LRPPRC: variants seen among roughly 807,000 people sequenced by gnomAD.
LRPPRC encodes leucine-rich PPR motif-containing protein, mitochondrial.
LRPPRC carries 120 observed loss-of-function variants against 180.3 expected under a neutral mutation model. The ratio of observed to expected loss-of-function variants is 0.67; its 90% confidence interval spans 0.57 to 0.77. The LOEUF is 0.77. Among genes scored for constraint, LRPPRC ranks in the 30% least tolerant of loss-of-function variants. The pLI, the probability that LRPPRC is intolerant of heterozygous loss-of-function variation, is 0.00. For synonymous variants in LRPPRC, 723 were observed against 600.0 expected (o/e 1.21, Z -3.00); for missense variants, 2,012 against 1,657.2 (o/e 1.21, Z -3.72).
intron 14 of LRPPRC, among the ~76,000 whole-genome samples, chr2:43,951,771 T>C (rs1328821125): frequency 1.3e-5 from 2 of 152,228 alleles, no homozygotes; most frequent in African/African-American, 2.4e-5. Context: ...ACACATACCA[T>C]GTCCAGTCTA....
At chr2:43,946,287 G>A (rs1311452630) in intron 20 of LRPPRC, 44 bp from the exon 21 acceptor site, 1 of 1,490,522 alleles carries the variant, frequency 6.7e-7, no homozygotes, top group Non-Finnish European at 9.3e-7. Flanking sequence ...TCAGTGTGAA[G>A]GTAAAAATGT....
At chr2:43,986,449 C>G (rs1343045945) in intron 1 of LRPPRC, among the ~76,000 whole-genome samples, 1 of 152,096 alleles carries the variant, frequency 6.6e-6, no homozygotes, top group Admixed American at 6.5e-5. Context: ...TCTTAAAACT[C>G]TTCTCTCCAC....
intron 1 of LRPPRC, among the ~76,000 whole-genome samples, chr2:43,992,622 T>C (rs1262800119): frequency 2.0e-5 from 3 of 152,168 alleles, no homozygotes; most frequent in African/African-American, 7.2e-5. Flanking sequence ...GGAAAAGGGA[T>C]GCATTCCAAA....
At chr2:43,986,615 C>G (rs1349280180) in intron 1 of LRPPRC, among the ~76,000 whole-genome samples, 1 of 152,138 alleles carries the variant, frequency 6.6e-6, no homozygotes, top group Non-Finnish European at 1.5e-5. Context: ...AAAATTATAA[C>G]TTACAAATGA....
chr2:43,953,663 C>G (rs1672992454), intron 14 of LRPPRC, among the ~76,000 whole-genome samples: 1 of 152,154 alleles, frequency 6.6e-6, no homozygotes, highest in African/African-American at 2.4e-5. Context: ...CGCAGAGCAC[C>G]TAGCTTGGTG....
chr2:43,925,179 T>C (rs750884958), intron 26 of LRPPRC, 22 bp from the exon 27 acceptor site: 9 of 1,118,494 alleles, frequency 8.0e-6, no homozygotes, highest in African/African-American at 3.1e-5. Context: ...GATTAAGAGA[T>C]AGATCTACCT....
intron 16 of LRPPRC, 87 bp from the exon 17 acceptor site, chr2:43,948,605 T>C (rs1312260886): frequency 1.3e-6 from 1 of 769,212 alleles, no homozygotes; most frequent in African/African-American, 1.7e-5. Context: ...ATCATTTTGG[T>C]GTGAGATGTC....
intron 11 of LRPPRC, among the ~76,000 whole-genome samples, chr2:43,970,907 T>C (rs140970694): frequency 0.029 from 4,382 of 152,270 alleles, 214 homozygotes; most frequent in African/African-American, 0.099. Flanking sequence ...GAGACCAGCC[T>C]GGCCAACATG....
intron 35 of LRPPRC, chr2:43,896,087 T>A (rs1670669248): frequency 6.5e-6 from 1 of 152,732 alleles, no homozygotes; most frequent in Non-Finnish European, 1.5e-5. Flanking sequence ...TGATAAATGC[T>A]CAAAAGTAGC....
intron 34 of LRPPRC, among the ~76,000 whole-genome samples, chr2:43,898,507 G>A (rs978747839): frequency 3.9e-5 from 6 of 152,132 alleles, no homozygotes; most frequent in East Asian, 1.9e-4. Context: ...GCTCCCCGGC[G>A]GTGCCTGTTT....
chr2:43,918,812 T>TATATATATATATAG, intron 27 of LRPPRC, among the ~76,000 whole-genome samples: 1 of 143,310 alleles, frequency 7.0e-6, no homozygotes, highest in African/African-American at 2.7e-5. Context: ...TATATATAGA[T>TATATATATATATAG]ATATATATAT....
intron 36 of LRPPRC, among the ~76,000 whole-genome samples, chr2:43,891,635 TCTC>T (rs1412340076): frequency 2.6e-5 from 4 of 152,206 alleles, no homozygotes; most frequent in African/African-American, 9.6e-5. Context: ...GACTAGTAAT[TCTC>T]CTGTCTTCCT....
At chr2:43,975,450 T>A (rs188217912) in intron 6 of LRPPRC, among the ~76,000 whole-genome samples, 27 of 152,310 alleles carry the variant, frequency 1.8e-4, no homozygotes, top group African/African-American at 6.3e-4. Flanking sequence ...TTAAATAACA[T>A]ACCCTCTTAA....
chr2:43,906,663 A>G (rs781063296), intron 30 of LRPPRC, among the ~76,000 whole-genome samples: 1 of 152,166 alleles, frequency 6.6e-6, no homozygotes, highest in Non-Finnish European at 1.5e-5. Flanking sequence ...CTCAGTGATG[A>G]CCCTGTTGCC....
intron 14 of LRPPRC, among the ~76,000 whole-genome samples, chr2:43,956,981 A>C (rs1377527598): frequency 6.6e-6 from 1 of 152,176 alleles, no homozygotes; most frequent in Non-Finnish European, 1.5e-5. Flanking sequence ...CAAAATAACA[A>C]AATTGGAAGG....
chr2:43,896,812 T>C, intron 34 of LRPPRC, 104 bp from the exon 35 acceptor site: 1 of 761,102 alleles, frequency 1.3e-6, no homozygotes, highest in Non-Finnish European at 2.4e-6. Context: ...AGTAGTGTAT[T>C]ATTACCAATA....
chr2:43,967,947 A>G (rs923053848), intron 11 of LRPPRC, among the ~76,000 whole-genome samples: 11 of 152,326 alleles, frequency 7.2e-5, no homozygotes, highest in Non-Finnish European at 1.6e-4. Context: ...ACATGATGAC[A>G]TAGCTAAGTT....
In LRPPRC at chr2:43,982,234, A is replaced by C. The variant is rs1674340499; in HGVS notation, c.346+4T>G. 2 of 1,553,418 alleles carry C rather than the reference A, an allele frequency of 1.3e-6. No individual in the cohort carries two copies. The highest frequency in any genetic ancestry group is 1.7e-6 in the Non-Finnish European group (2 of 1,153,844). Reference sequence around the variant, plus strand: ...AACTTTATGAACAGGAAATTTTGAAATACCTGAGCGGCAGGTATCATTAAA... The same window carrying C: ...AACTTTATGAACAGGAAATTTTGAACTACCTGAGCGGCAGGTATCATTAAA... On this transcript the variant is annotated splice_donor_region_variant and intron_variant, in intron 2 of 37. Coordinates refer to ENST00000260665, the MANE Select transcript of LRPPRC (RefSeq NM_133259.4).
chr2:43,944,448 T>C (rs1672604950), intron 22 of LRPPRC, among the ~76,000 whole-genome samples: 1 of 152,220 alleles, frequency 6.6e-6, no homozygotes, highest in African/African-American at 2.4e-5. Context: ...TTTTAGGATA[T>C]GGAATAAGTG....
Sources: gnomAD v4.1 joint callset for allele counts (sites outside exome capture counted in the v4.1 genomes callset) on GRCh38, gnomAD v4.1.1 for gene constraint, MANE v1.5 for transcripts, NCBI Gene and HGNC (gene_info 2026-07-23, HGNC 2026-07-21) for gene names.